SNX32: variants seen among roughly 807,000 people sequenced by gnomAD.
SNX32 encodes sorting nexin-32.
SNX32 carries 58 observed loss-of-function variants against 57.0 expected under a neutral mutation model. The observed-to-expected ratio is 1.02, with a 90% CI of 0.82 to 1.27. The LOEUF (loss-of-function observed/expected upper bound fraction) is 1.27. SNX32 is among the 50% of genes most tolerant of loss of function. SNX32 has a pLI of 0.00. For missense variants in SNX32, 589 were observed against 541.2 expected (o/e 1.09, Z -0.88); for synonymous variants, 262 against 220.4 (o/e 1.19, Z -1.67).
chr11:65,850,550 A>G lies in SNX32; in HGVS notation c.494A>G (p.Gln165Arg). 2.5e-6 allele frequency: 4 copies of G among 1,607,034 alleles called. No individual in the cohort carries two copies. Among genetic ancestry groups the G allele is most frequent in the Non-Finnish European group, 2.5e-6 (3 of 1,176,604 alleles). ...TTCTTTGTGTTTTTGGAATATGGAC[A>G]GGATGTGAGCTGGGCCGAATCCCTG... The part of the protein sequence containing the change: ...HNFFVFLEYG[Q>R]DLSVRGKNRK... Residue 165 changes from glutamine (Q) to arginine (R), a missense_variant, in exon 5 of 13, where the codon CAG becomes CGG. Physicochemically the swap from Gln to Arg is conservative, Grantham distance 43. Transcript: ENST00000308342.
At chr11:65,839,898 C>T (rs1858793653) in intron 1 of SNX32, among the ~76,000 whole-genome samples, 1 of 152,026 alleles carries the variant, frequency 6.6e-6, no homozygotes, top group African/African-American at 2.4e-5. Flanking sequence ...GTGGCTCACG[C>T]CTGTAATCCC....
At chr11:65,845,849 G>A (rs1021942628) in intron 1 of SNX32, among the ~76,000 whole-genome samples, 13 of 152,214 alleles carry the variant, frequency 8.5e-5, no homozygotes, top group African/African-American at 2.7e-4. Context: ...ATATAATCAT[G>A]TAATGAAATA....
chr11:65,850,629 C>CAGGGCTGGAGA (rs1158224707), intron 5 of SNX32, 75 bp downstream of exon 5: 2 of 1,558,508 alleles, frequency 1.3e-6, no homozygotes, highest in Non-Finnish European at 1.7e-6. Flanking sequence ...CCAGGGGTGG[C>CAGGGCTGGAGA]AGGGCTGGAG....
chr11:65,842,957 A>G (rs2134692391), intron 1 of SNX32, among the ~76,000 whole-genome samples: 1 of 148,368 alleles, frequency 6.7e-6, no homozygotes, highest in East Asian at 2.0e-4. Context: ...CTCAAAAAAA[A>G]AAAAAAAAAA....
At position 65,852,774 on chromosome 11, in the gene SNX32, G is replaced by C; in HGVS notation, c.1057G>C (p.Asp353His). ...CTGCCAACGCTTCGAGCGCCTCTCC[G>C]ACTCCGCCAAGCAAGGTGAGCCCGC... ...LCCQRFERLSDSAKQELMDFK... is the reference protein window; with the variant it reads ...LCCQRFERLSHSAKQELMDFK... Residue 353 changes from aspartate (D) to histidine (H), a missense_variant, in exon 11 of 13, where the codon GAC (aspartate) becomes CAC (histidine). By Grantham distance (81) the Asp-to-His change is moderately conservative (BLOSUM62 -1). Coordinates refer to ENST00000308342, the MANE Select transcript of SNX32 (RefSeq NM_152760.3). 1 of 1,609,572 alleles carries C rather than the reference G, an allele frequency of 6.2e-7. No individual in the cohort carries two copies. Among genetic ancestry groups the C allele is most frequent in the Non-Finnish European group, 8.5e-7 (1 of 1,178,240 alleles).
chr11:65,843,808 T>C (rs1281938586), intron 1 of SNX32, among the ~76,000 whole-genome samples: 2 of 152,150 alleles, frequency 1.3e-5, no homozygotes, highest in Admixed American at 6.5e-5. Flanking sequence ...TGACAAAAGG[T>C]ATAATCAACA....
In SNX32 at chr11:65,851,410, A is replaced by C; in HGVS notation, c.785+7A>C. The C allele has an allele frequency of 1.2e-6, 2 of 1,612,156 alleles. No homozygotes were observed. The highest frequency in any genetic ancestry group is 1.3e-5 in the African/African-American group (1 of 74,202). Reference sequence around the variant, plus strand: ...AAGTCAACCAGCTAAGGACGTGAGGACTCCCCCCACCCCTACCCTCTCCCT... The same window carrying C: ...AAGTCAACCAGCTAAGGACGTGAGGCCTCCCCCCACCCCTACCCTCTCCCT... On this transcript the variant is annotated splice_region_variant and intron_variant, in intron 8 of 12. Coordinates refer to ENST00000308342, the MANE Select transcript of SNX32 (RefSeq NM_152760.3).
In SNX32 at chr11:65,850,513, C is replaced by A. The variant is rs757718275; in HGVS notation, c.457C>A (p.Arg153=). The change falls in exon 5 of 13, where the codon CGA becomes AGA. Residue 153 remains arginine (R), a synonymous_variant. Coordinates refer to ENST00000308342, the MANE Select transcript of SNX32 (RefSeq NM_152760.3). The part of the protein sequence containing the change: ...QRLAAHPTLR[R]DHNFFVFLEY... ...CCTGGCGGCCCACCCCACCCTGCGT[C>A]GAGACCACAACTTCTTTGTGTTTTT... 24 of 1,613,500 alleles carry A rather than the reference C, an allele frequency of 1.5e-5. No homozygotes were observed. Among genetic ancestry groups the A allele is most frequent in the Admixed American group, 3.3e-5 (2 of 59,910 alleles).
rs191462413 is a variant in SNX32 at position 65,839,724 on chromosome 11, C to A, written c.36+5623C>A. Among the ~76,000 whole-genome samples, 335 of 134,356 alleles carry A rather than the reference C, an allele frequency of 2.5e-3. 4 individuals carry two copies. The highest frequency in any genetic ancestry group is 0.025 in the Admixed American group (305 of 12,260). 88.1% of individuals were successfully genotyped at this position (134,356 alleles called of 152,430 possible). The stretch of plus-strand genomic sequence containing the variant: ...CTCTAGCCTGGGTGACACAGTGAGA[C>A]CCTGTCCCAAAAAAAAAAAAAAAAA... On this transcript the variant is annotated intron_variant, in intron 1 of 12. Transcript: ENST00000308342.
rs200192032 is a variant in SNX32 at position 65,850,030 on chromosome 11, C to T, written c.252C>T (p.Ile84=). Residue 84 remains isoleucine (I), a splice_region_variant and synonymous_variant, in exon 3 of 13, where the codon ATC becomes ATT. Coordinates refer to ENST00000308342, the MANE Select transcript of SNX32 (RefSeq NM_152760.3). ...YVENEEYAGL[I]IPPAPPRPDF... ...AGAATGAGGAGTACGCCGGCCTCAT[C>T]GTGAGGAGGGGCTGGGCAGGGGCTG... 405 of 1,614,058 alleles carry T rather than the reference C, an allele frequency of 2.5e-4. 1 individual carries two copies. Among genetic ancestry groups the T allele is most frequent in the East Asian group, 2.7e-4 (12 of 44,874 alleles).
chr11:65,835,514 T>G (rs982746222), intron 1 of SNX32: 2 of 152,264 alleles, frequency 1.3e-5, no homozygotes, highest in Non-Finnish European at 2.9e-5. Context: ...AGCAAAGAGT[T>G]GTCGAGCATC....
chr11:65,850,524 C>T lies in SNX32; in HGVS notation c.468C>T (p.Asn156=), dbSNP rs1565253213. 2.5e-6 allele frequency: 4 copies of T among 1,612,916 alleles called. No individual in the cohort carries two copies. Among genetic ancestry groups the T allele is most frequent in the Non-Finnish European group, 1.7e-6 (2 of 1,179,430 alleles). ...ACCCCACCCTGCGTCGAGACCACAA[C>T]TTCTTTGTGTTTTTGGAATATGGAC... ...AAHPTLRRDH[N]FFVFLEYGQD... Residue 156 remains asparagine, a synonymous_variant, in exon 5 of 13, where the codon AAC becomes AAT. Transcript: ENST00000308342.
At chr11:65,836,117 GC>G (rs1858662952) in intron 1 of SNX32, among the ~76,000 whole-genome samples, 1 of 152,132 alleles carries the variant, frequency 6.6e-6, no homozygotes, top group Non-Finnish European at 1.5e-5. Flanking sequence ...CTTTGCAGGA[GC>G]CATACTCTGA....
chr11:65,847,881 A>G (rs1859045313), intron 1 of SNX32, among the ~76,000 whole-genome samples: 1 of 151,870 alleles, frequency 6.6e-6, no homozygotes, highest in Non-Finnish European at 1.5e-5. Context: ...CTGCACTCCA[A>G]CCTGGGTGAC....
At chr11:65,839,881 G>A (rs1377840782) in intron 1 of SNX32, among the ~76,000 whole-genome samples, 11 of 151,950 alleles carry the variant, frequency 7.2e-5, no homozygotes, top group East Asian at 1.9e-4. Flanking sequence ...AACAAAGGCC[G>A]GGCGCGGTGG....
chr11:65,848,385 C>A (rs1453747263), intron 1 of SNX32, among the ~76,000 whole-genome samples: 4 of 147,022 alleles, frequency 2.7e-5, no homozygotes, highest in Non-Finnish European at 4.5e-5. Context: ...CCAGCCTGGG[C>A]AACATAGCAA....
At chr11:65,842,969 A>G (rs796872664) in intron 1 of SNX32, among the ~76,000 whole-genome samples, 2,862 of 148,178 alleles carry the variant, frequency 0.019, 120 homozygotes, top group African/African-American at 0.069. Context: ...AAAAAAAAAA[A>G]AAAGAAACAC....
chr11:65,834,820 CTG>C (rs760499560), intron 1 of SNX32, among the ~76,000 whole-genome samples: 4 of 144,336 alleles, frequency 2.8e-5, no homozygotes, highest in African/African-American at 1.0e-4. Context: ...CTGCGTGTGT[CTG>C]TGTGTGTGTG....
chr11:65,851,381 C>T lies in SNX32; in HGVS notation c.763C>T (p.Gln255Ter), dbSNP rs1859189723. ...ISAALSSLGTQEVNQLRTSFL... is the reference protein window; with the variant it reads ...ISAALSSLGT ...AGCTGCGCTGAGCAGTCTGGGAACA[C>T]AGGAAGTCAACCAGCTAAGGACGTG... Residue 255 changes from glutamine (Q) to a stop codon, truncating the protein, a stop_gained, in exon 8 of 13, where the codon CAG becomes TAG. Transcript: ENST00000308342. LOFTEE classifies it high-confidence loss of function. 6.2e-7 allele frequency: 1 copy of T among 1,614,156 alleles called. No homozygotes were observed. Among genetic ancestry groups the T allele is most frequent in the East Asian group, 2.2e-5 (1 of 44,882 alleles).
Sources: allele counts gnomAD v4.1 joint callset (sites outside exome capture counted in the v4.1 genomes callset), GRCh38; gene constraint gnomAD v4.1.1; transcripts MANE v1.5; gene names NCBI Gene and HGNC (gene_info 2026-07-23, HGNC 2026-07-21).